Variants in ZFHX3 observed in about 807,000 individuals in gnomAD.
The protein encoded by ZFHX3 is zinc finger homeobox 3.
ZFHX3 carries 42 observed loss-of-function variants against 279.1 expected under a neutral mutation model. The ratio of observed to expected loss-of-function variants is 0.15; its 90% CI spans 0.12 to 0.19. The LOEUF (loss-of-function observed/expected upper bound fraction) is 0.19, where lower values mean the gene tolerates loss of function less well. Among genes scored for constraint, ZFHX3 ranks in the 10% least tolerant of loss-of-function variants. The pLI is 1.00. For synonymous variants in ZFHX3, 2,293 were observed against 1,957.8 expected, an observed-to-expected ratio of 1.17 and a Z score of -4.52; for missense variants, 4,981 against 4,754.0, an observed-to-expected ratio of 1.05 and a Z score of -1.40.
chr16:73,413,212 A>C (rs2017504320), intron 3 of ZFHX3, among the ~76,000 whole-genome samples: 1 of 152,256 alleles, frequency 6.6e-6, no homozygotes, highest in South Asian at 2.1e-4. Flanking sequence ...TAATAGTTCA[A>C]GAGGCCCTTG....
intron 2 of ZFHX3, among the ~76,000 whole-genome samples, chr16:73,501,777 T>G (rs2019243230): frequency 1.3e-5 from 2 of 152,228 alleles, no homozygotes; most frequent in Admixed American, 6.5e-5. Context: ...AGCTGCTGTG[T>G]GGAGAAGATG....
chr16:73,358,139 C>A (rs1357625419), intron 3 of ZFHX3, among the ~76,000 whole-genome samples: 1 of 152,218 alleles, frequency 6.6e-6, no homozygotes, highest in East Asian at 1.9e-4. Context: ...CTTTGAGACG[C>A]CTTGCTTTGT....
At chr16:73,251,906 C>CACACCATGAACACACACAT (rs2013512918) in intron 5 of ZFHX3, among the ~76,000 whole-genome samples, 3 of 123,022 alleles carry the variant, frequency 2.4e-5, no homozygotes, top group African/African-American at 1.1e-4. Flanking sequence ...CATGCACACA[C>CACACCATGAACACACACAT]ACACACCACA....
intron 2 of ZFHX3, among the ~76,000 whole-genome samples, chr16:73,672,357 T>A (rs564304292): frequency 1.3e-5 from 2 of 152,300 alleles, no homozygotes; most frequent in African/African-American, 4.8e-5. Flanking sequence ...ATTTGAAGAC[T>A]TCCGTGTTAC....
chr16:72,887,655 A>G (rs577253706), intron 4 of ZFHX3, among the ~76,000 whole-genome samples: 1 of 108,860 alleles, frequency 9.2e-6, no homozygotes, highest in African/African-American at 3.8e-5. Flanking sequence ...GTGGGGGTAC[A>G]GTGTCTATGT....
intron 3 of ZFHX3, among the ~76,000 whole-genome samples, chr16:73,449,240 T>C (rs1177416219): frequency 6.6e-6 from 1 of 152,274 alleles, no homozygotes; most frequent in Admixed American, 6.5e-5. Flanking sequence ...TTTATTCATT[T>C]ATTCTTGTGT....
chr16:72,944,501 T>C (rs1960566359), intron 3 of ZFHX3, among the ~76,000 whole-genome samples: 1 of 152,212 alleles, frequency 6.6e-6, no homozygotes, highest in African/African-American at 2.4e-5. Flanking sequence ...TAAAAATCAT[T>C]GGAAAATACT....
chr16:73,431,002 A>T (rs112267046), intron 3 of ZFHX3, among the ~76,000 whole-genome samples: 5 of 152,338 alleles, frequency 3.3e-5, no homozygotes, highest in African/African-American at 1.2e-4. Flanking sequence ...CTGTCTCCAT[A>T]GAAGTAAAGA....
chr16:73,772,202 T>C (rs906175206), intron 1 of ZFHX3, among the ~76,000 whole-genome samples: 3 of 152,208 alleles, frequency 2.0e-5, no homozygotes, highest in Admixed American at 1.3e-4. Context: ...GTTTTCACAC[T>C]GCTGATACAG....
intron 5 of ZFHX3, chr16:73,233,953 CAA>C (rs2012860143): frequency 6.6e-6 from 1 of 152,172 alleles, no homozygotes; most frequent in Non-Finnish European, 1.5e-5. Flanking sequence ...CACGGAGACC[CAA>C]ATGAGGAGGA....
intron 1 of ZFHX3, among the ~76,000 whole-genome samples, chr16:73,031,346 C>T (rs527332906): frequency 1.3e-5 from 2 of 152,056 alleles, no homozygotes; most frequent in African/African-American, 2.4e-5. Context: ...GAAGGAAGGA[C>T]GCAGGAAAAC....
chr16:73,756,330 C>T (rs1026719600), intron 1 of ZFHX3, among the ~76,000 whole-genome samples: 2 of 152,056 alleles, frequency 1.3e-5, no homozygotes, highest in African/African-American at 4.8e-5. Context: ...TCTGATAGGC[C>T]TAATCCGGTA....
At chr16:73,733,258 G>A (rs2053583675) in intron 1 of ZFHX3, among the ~76,000 whole-genome samples, 1 of 152,096 alleles carries the variant, frequency 6.6e-6, no homozygotes, top group Admixed American at 6.6e-5. Context: ...TGCTGAAGAA[G>A]TATTATCTTC....
rs753592536 is a variant in ZFHX3 at position 72,798,546 on chromosome 16, G to C, written c.4136C>G (p.Thr1379Arg). The change falls in exon 9 of 10, where the codon ACG (threonine) becomes AGG (arginine). Residue 1379 changes from threonine (T) to arginine (R), a missense_variant. Thr to Arg is a moderately conservative substitution (Grantham distance 71, BLOSUM62 -1). Around this residue, in one of 7 missense-constraint regions of ZFHX3, gnomAD observed 1,751 missense variants for 1,770.0 expected, o/e 0.99. Coordinates refer to ENST00000268489, the MANE Select transcript of ZFHX3 (RefSeq NM_006885.4). Reference protein sequence around the residue: ...QVFKTSAALQTHFNEVHAKRP... With the variant: ...QVFKTSAALQRHFNEVHAKRP... ...CTTGGCATGCACTTCATTAAAATGC[G>C]TCTGAAGGGCAGCAGAAGTTTTGAA... 2.5e-6 allele frequency: 4 copies of C among 1,614,180 alleles called. No homozygotes were observed. Among genetic ancestry groups the C allele is most frequent in the Non-Finnish European group, 2.5e-6 (3 of 1,180,032 alleles).
chr16:72,985,016 G>T (rs947694741), intron 1 of ZFHX3, among the ~76,000 whole-genome samples: 1 of 151,842 alleles, frequency 6.6e-6, no homozygotes, highest in South Asian at 2.1e-4. Flanking sequence ...CAACACACAC[G>T]TACCCCTACC....
intron 1 of ZFHX3, among the ~76,000 whole-genome samples, chr16:73,816,359 G>C (rs11865677): frequency 0.016 from 2,391 of 152,232 alleles, 68 homozygotes; most frequent in African/African-American, 0.054. Flanking sequence ...AGGAAAGTGA[G>C]TATGACTTGT....
At chr16:73,832,567 G>T (rs774252994) in intron 1 of ZFHX3, among the ~76,000 whole-genome samples, 3 of 152,034 alleles carry the variant, frequency 2.0e-5, no homozygotes, top group African/African-American at 7.2e-5. Context: ...AAGAGACAGG[G>T]TCTCACTCTG....
In ZFHX3 at chr16:73,798,911, T is replaced by C. The variant is rs565463957; in HGVS notation, c.-1608+92740A>G. On this transcript the variant is annotated intron_variant, in intron 1 of 17. Transcript: ENST00000641206. ...CCTGATGTCTGAATCATTATACAAATTCTTTGGCTTCTTCAAATGTCCTGC... is the reference window on the plus strand; with the variant it reads ...CCTGATGTCTGAATCATTATACAAACTCTTTGGCTTCTTCAAATGTCCTGC... Among the ~76,000 whole-genome samples, 168 of 152,322 alleles carry C rather than the reference T, an allele frequency of 1.1e-3. 1 individual carries two copies. The highest frequency in any genetic ancestry group is 1.8e-3 in the Non-Finnish European group (123 of 68,026).
intron 4 of ZFHX3, among the ~76,000 whole-genome samples, chr16:72,876,023 G>A (rs1471550681): frequency 1.3e-5 from 2 of 152,160 alleles, no homozygotes; most frequent in Non-Finnish European, 2.9e-5. Context: ...CTAAAATCCT[G>A]TTAATCTAGC....
Sources: gnomAD v4.1 joint callset for allele counts (sites outside exome capture counted in the v4.1 genomes callset) on GRCh38, gnomAD v4.1.1 for gene constraint, gnomAD v4.1.1 regional missense constraint, MANE v1.5 for transcripts, NCBI Gene and HGNC (gene_info 2026-07-23, HGNC 2026-07-21) for gene names.